Variants in WEE1 observed in about 807,000 individuals in gnomAD.
The protein encoded by WEE1 is wee1-like protein kinase.
In WEE1, 16 loss-of-function variants were observed where a neutral mutation model predicts 68.8. The observed-to-expected ratio is 0.23, with a 90% CI of 0.16 to 0.35. The LOEUF is 0.35. WEE1 is among the 10% of genes least tolerant of loss of function. The probability of loss-of-function intolerance (pLI) is 1.00; values close to 1 mark genes in which losing one functional copy is unlikely to be tolerated. For synonymous variants in WEE1, 349 were observed against 318.7 expected, an observed-to-expected ratio of 1.09 and a Z score of -1.01; for missense variants, 651 against 824.1, an observed-to-expected ratio of 0.79 and a Z score of 2.57.
intron 10 of WEE1, 127 bp from the exon 11 acceptor site, chr11:9,588,322 T>C: frequency 1.7e-6 from 1 of 584,194 alleles, no homozygotes; most frequent in Non-Finnish European, 2.7e-6. Context: ...AGTTTCCTGT[T>C]TTATTTTTCA....
In WEE1 at chr11:9,589,244, A is replaced by G. The variant is rs1849735601; in HGVS notation, c.*642A>G. ...TTTGAAACAATTATGTGAAATGTAT[A>G]GCTGCTTTTGATGAAAAGCAGCTAT... On this transcript the variant is annotated 3_prime_UTR_variant, in exon 11 of 11. Transcript: ENST00000450114. The G allele has an allele frequency of 1.0e-6, 1 of 984,212 alleles. No homozygotes were observed. Among genetic ancestry groups the G allele is most frequent in the Non-Finnish European group, 1.2e-6 (1 of 829,430 alleles). 61.0% of individuals were successfully genotyped at this position (984,212 alleles called of 1,614,324 possible).
At chr11:9,575,034 A>C (rs1849549033) in intron 1 of WEE1, 2 of 985,786 alleles carry the variant, frequency 2.0e-6, no homozygotes, top group Non-Finnish European at 2.4e-6. Flanking sequence ...CTACGCTTGG[A>C]CTTGGGAGTA....
At chr11:9,580,266 C>T (rs555527012) in intron 5 of WEE1, 1 of 148,560 alleles carries the variant, frequency 6.7e-6, no homozygotes, top group South Asian at 2.1e-4. Flanking sequence ...GTGTAAAACA[C>T]ACCATCTCCA....
At chr11:9,588,312 A>T in intron 10 of WEE1, 137 bp from the exon 11 acceptor site, 1 of 528,930 alleles carries the variant, frequency 1.9e-6, no homozygotes, top group Non-Finnish European at 3.1e-6. Flanking sequence ...TAGAAGCTTC[A>T]GTTTCCTGTT....
intron 5 of WEE1, chr11:9,578,418 CT>C (rs1484320753): frequency 6.5e-6 from 1 of 153,748 alleles, no homozygotes; most frequent in Non-Finnish European, 1.4e-5. Context: ...CTTGAAAGAA[CT>C]TGAGTGTCTA....
chr11:9,583,757 G>GCACACACACA (rs1565089818), intron 6 of WEE1, among the ~76,000 whole-genome samples: 4 of 11,554 alleles, frequency 3.5e-4, no homozygotes, highest in Non-Finnish European at 2.0e-4. Flanking sequence ...GCGTGCACGC[G>GCACACACACA]CGCGCACACA....
In WEE1 at chr11:9,589,048, T is replaced by A. The variant is rs931436959; in HGVS notation, c.*446T>A. The A allele has an allele frequency of 9.0e-5, 89 of 985,780 alleles. No individual in the cohort carries two copies. The highest frequency in any genetic ancestry group is 1.1e-4 in the East Asian group (1 of 8,816). The allele number at this position is 985,780 out of a possible 1,614,324, so 61.1% of individuals were successfully genotyped here. ...GTCCATCTTATATTTCTTTTTTTTT[T>A]AATTGTGAATTAGACTTGTATATCC... On this transcript the variant is annotated 3_prime_UTR_variant, in exon 11 of 11. Coordinates refer to ENST00000450114, the MANE Select transcript of WEE1 (RefSeq NM_003390.4).
chr11:9,582,095 A>T (rs1257813741), intron 6 of WEE1, among the ~76,000 whole-genome samples: 1 of 152,250 alleles, frequency 6.6e-6, no homozygotes, highest in Non-Finnish European at 1.5e-5. Context: ...TGGGATACTA[A>T]TGAGGGCACT....
chr11:9,581,745 C>G lies in WEE1; in HGVS notation c.1288+67C>G. 2.1e-6 allele frequency: 3 copies of G among 1,448,596 alleles called. No homozygotes were observed. In the South Asian group the frequency reaches 4.1e-5, roughly 20 times the overall value. 89.7% of individuals were successfully genotyped at this position (1,448,596 alleles called of 1,614,324 possible). A position where few individuals can be genotyped will look rare whatever the true frequency, so the allele number is the denominator to read the frequency against. ...TAGAGAATAAATTACTTCATTATGA[C>G]AACATTGAAAAAATATATATCTTCT... On this transcript the variant is annotated intron_variant, in intron 6 of 10. Transcript: ENST00000450114.
At chr11:9,587,275 T>A (rs929768171) in intron 10 of WEE1, among the ~76,000 whole-genome samples, 6 of 152,214 alleles carry the variant, frequency 3.9e-5, no homozygotes, top group Non-Finnish European at 8.8e-5. Context: ...TAGTTCGATA[T>A]GTTGTTATAC....
chr11:9,577,031 A>G (rs889734481), intron 4 of WEE1, 111 bp from the exon 5 acceptor site: 36 of 1,246,534 alleles, frequency 2.9e-5, no homozygotes, highest in Middle Eastern at 2.4e-4. Context: ...GTTGCTTTTT[A>G]GCATAACAAT....
intron 4 of WEE1, 79 bp from the exon 5 acceptor site, chr11:9,577,063 T>C: frequency 4.8e-6 from 7 of 1,470,872 alleles, no homozygotes; most frequent in Non-Finnish European, 5.5e-6. Flanking sequence ...ATTTATTGTA[T>C]GAAGTTTCAG....
chr11:9,577,963 A>G (rs958053224), intron 5 of WEE1: 1 of 449,762 alleles, frequency 2.2e-6, no homozygotes, highest in Non-Finnish European at 4.4e-6. Flanking sequence ...AGTCTTGGTC[A>G]GAATTCTGGT....
chr11:9,585,712 G>A (rs1277302926), intron 8 of WEE1, among the ~76,000 whole-genome samples, 185 bp downstream of exon 8: 1 of 151,834 alleles, frequency 6.6e-6, no homozygotes, highest in Non-Finnish European at 1.5e-5. Context: ...TGGAGTTGTC[G>A]TAAAAAATAT....
intron 10 of WEE1, 91 bp from the exon 11 acceptor site, chr11:9,588,358 T>C (rs555249746): frequency 1.2e-6 from 1 of 842,958 alleles, no homozygotes; most frequent in African/African-American, 1.8e-5. Context: ...AATGATGGCA[T>C]GCAAATATCT....
intron 5 of WEE1, 143 bp from the exon 6 acceptor site, chr11:9,581,389 T>A (rs898718248): frequency 1.4e-6 from 1 of 700,106 alleles, no homozygotes; most frequent in Non-Finnish European, 2.3e-6. Flanking sequence ...AAATTTTGAT[T>A]TCACAAGCAG....
intron 8 of WEE1, among the ~76,000 whole-genome samples, chr11:9,586,105 A>G (rs935607851): frequency 6.6e-6 from 1 of 152,182 alleles, no homozygotes; most frequent in African/African-American, 2.4e-5. Flanking sequence ...GTATATGTGT[A>G]TTTGTAACTT....
rs1343921805 is a variant in WEE1, at chr11:9,574,825, G to A, written c.576+316G>A. The A allele has an allele frequency of 1.0e-6, 1 of 995,502 alleles. No homozygotes were observed. Among genetic ancestry groups the A allele is most frequent in the Non-Finnish European group, 1.2e-6 (1 of 836,636 alleles). 61.7% of individuals were successfully genotyped at this position (995,502 alleles called of 1,614,324 possible). On this transcript the variant is annotated intron_variant, in intron 1 of 10. Coordinates refer to ENST00000450114, the MANE Select transcript of WEE1 (RefSeq NM_003390.4). The surrounding 1 kb of genome is among the most constrained non-coding windows in gnomAD (Gnocchi z 4.9). Reference sequence around the variant, plus strand: ...CAGCCCCGAGTGCGGCACCGATAACGCGGTTCGCGAGGATGCTGGAGGGTG... The same window carrying A: ...CAGCCCCGAGTGCGGCACCGATAACACGGTTCGCGAGGATGCTGGAGGGTG...
rs1849537127 is a variant in WEE1 at position 9,574,179 on chromosome 11, C to T, written c.246C>T (p.Ala82=). The T allele has an allele frequency of 2.2e-5, 26 of 1,178,092 alleles. No homozygotes were observed. Among genetic ancestry groups the T allele is most frequent in the Middle Eastern group, 6.7e-4 (2 of 2,972 alleles). The allele number at this position is 1,178,092 out of a possible 1,614,324, so 73.0% of individuals were successfully genotyped here. A position where few individuals can be genotyped will look rare whatever the true frequency, so the allele number is the denominator to read the frequency against. ...AGCGCCGCCGCTCGCCCGGGCCGGCCCCCGGCAGCCCCGGCGAGCTGGAGG... is the reference window on the plus strand; with the variant it reads ...AGCGCCGCCGCTCGCCCGGGCCGGCTCCCGGCAGCCCCGGCGAGCTGGAGG... ...GPERRRSPGP[A]PGSPGELEED... is the part of the protein sequence containing the mutation. The change falls in exon 1 of 11, where the codon GCC becomes GCT. Residue 82 remains alanine, a synonymous_variant. Transcript: ENST00000450114. This position sits in a 1 kb window ranked among gnomAD's most constrained non-coding sequence, Gnocchi z 4.9.
Sources: gnomAD v4.1 joint callset for allele counts (sites outside exome capture counted in the v4.1 genomes callset) on GRCh38, gnomAD v4.1.1 for gene constraint, Gnocchi (gnomAD v3.1) non-coding constraint, MANE v1.5 for transcripts, NCBI Gene and HGNC (gene_info 2026-07-23, HGNC 2026-07-21) for gene names.